The following SVIL variants were observed in gnomAD, a reference collection of about 807,000 sequenced individuals.
SVIL encodes archvillin.
In SVIL, 101 loss-of-function variants were observed where a neutral mutation model predicts 240.4. That is an observed-to-expected ratio of 0.42 (90% CI 0.36 to 0.50). SVIL has a LOEUF of 0.50. Ranked by LOEUF, SVIL falls within the 20% of genes least tolerant of loss-of-function variation. SVIL has a pLI of 0.01. For missense variants in SVIL, 2,512 were observed against 2,818.7 expected, an observed-to-expected ratio of 0.89 and a Z score of 2.46; for synonymous variants, 999 against 1,100.0, an observed-to-expected ratio of 0.91 and a Z score of 1.82.
chr10:29,557,205 C>T (rs1404678461), intron 3 of SVIL, among the ~76,000 whole-genome samples: 1 of 152,164 alleles, frequency 6.6e-6, no homozygotes, highest in Non-Finnish European at 1.5e-5. Context: ...AAGTGATCCT[C>T]CCAACTCAGC....
chr10:29,684,700 T>C (rs1960927067), intron 2 of SVIL, among the ~76,000 whole-genome samples: 1 of 152,182 alleles, frequency 6.6e-6, no homozygotes, highest in Non-Finnish European at 1.5e-5. Flanking sequence ...TCAGCCAATC[T>C]CTTCAGTATT....
chr10:29,682,719 AT>A (rs1960760371), intron 2 of SVIL, among the ~76,000 whole-genome samples: 1 of 152,200 alleles, frequency 6.6e-6, no homozygotes, highest in African/African-American at 2.4e-5. Flanking sequence ...TACAATTCAG[AT>A]ATGCTTTTCT....
At chr10:29,572,476 A>G (rs1955472381) in intron 1 of SVIL, among the ~76,000 whole-genome samples, 2 of 152,258 alleles carry the variant, frequency 1.3e-5, no homozygotes, top group South Asian at 4.1e-4. Flanking sequence ...CTGGAAATAA[A>G]GAGATGAACC....
At chr10:29,496,692 C>A (rs571321567) in intron 18 of SVIL, among the ~76,000 whole-genome samples, 11 of 152,356 alleles carry the variant, frequency 7.2e-5, no homozygotes, top group South Asian at 6.2e-4. Flanking sequence ...AAAGATCTCC[C>A]CCATAGCTCT....
intron 1 of SVIL, among the ~76,000 whole-genome samples, chr10:29,595,305 T>C (rs1956541161): frequency 6.6e-6 from 1 of 152,132 alleles, no homozygotes; most frequent in Admixed American, 6.5e-5. Context: ...GTTGGGCAGG[T>C]GGGCTTTGTT....
intron 2 of SVIL, chr10:29,670,946 T>A (rs1038236047): frequency 6.6e-6 from 1 of 152,218 alleles, no homozygotes; most frequent in Middle Eastern, 3.4e-3. Context: ...GTCCAACAAC[T>A]CCTCTATTTT....
intron 3 of SVIL, among the ~76,000 whole-genome samples, chr10:29,647,986 C>CA (rs1158890827): frequency 5.7e-4 from 49 of 85,966 alleles, no homozygotes; most frequent in Non-Finnish European, 9.8e-4. Context: ...AAAAAAAAAA[C>CA]AAAAAAAATC....
In SVIL at chr10:29,481,701, C is replaced by T. The variant is rs771732830; in HGVS notation, c.4983G>A (p.Ala1661=). 3.1e-6 allele frequency: 5 copies of T among 1,614,022 alleles called. No homozygotes were observed. Among genetic ancestry groups the T allele is most frequent in the East Asian group, 2.2e-5 (1 of 44,868 alleles). The change falls in exon 28 of 38, where the codon GCG becomes GCA. Residue 1661 remains alanine (A), a synonymous_variant. Transcript: ENST00000355867. ...PRKGQGRPDW[A]IFGRLTEHNE... is the part of the protein sequence containing the mutation. ...TGTGTTCAGTAAGTCTCCCAAATATCGCCCAGTCGGGCCGCCCCTGTCCTT... is the reference window on the plus strand; with the variant it reads ...TGTGTTCAGTAAGTCTCCCAAATATTGCCCAGTCGGGCCGCCCCTGTCCTT...
chr10:29,467,963 A>G, intron 32 of SVIL, 88 bp from the exon 33 acceptor site: 3 of 1,383,156 alleles, frequency 2.2e-6, no homozygotes, highest in Non-Finnish European at 3.0e-6. Context: ...TAACAGCTTT[A>G]TAATAGCTTT....
chr10:29,481,533 T>C, intron 28 of SVIL, 51 bp downstream of exon 28: 5 of 1,607,404 alleles, frequency 3.1e-6, no homozygotes, highest in Non-Finnish European at 2.5e-6. Context: ...AGGCCACTTT[T>C]ATTGGGACCC....
At chr10:29,561,870 T>G (rs1156545059) in intron 3 of SVIL, among the ~76,000 whole-genome samples, 3 of 152,234 alleles carry the variant, frequency 2.0e-5, no homozygotes, top group Admixed American at 2.0e-4. Flanking sequence ...AATAAACCTG[T>G]ATTCCGGCTG....
intron 2 of SVIL, among the ~76,000 whole-genome samples, chr10:29,661,570 C>A (rs1337113516): frequency 1.3e-5 from 2 of 152,166 alleles, no homozygotes; most frequent in Non-Finnish European, 2.9e-5. Flanking sequence ...CAAGGCATTT[C>A]TTTCCGGACA....
intron 1 of SVIL, among the ~76,000 whole-genome samples, chr10:29,696,401 G>C (rs1962001169): frequency 6.6e-6 from 1 of 151,730 alleles, no homozygotes; most frequent in Non-Finnish European, 1.5e-5. Flanking sequence ...GAGCGTCTCT[G>C]CCTGGCTGCC....
At chr10:29,543,495 A>G (rs369404006) in intron 6 of SVIL, among the ~76,000 whole-genome samples, 27 of 152,252 alleles carry the variant, frequency 1.8e-4, no homozygotes, top group African/African-American at 6.5e-4. Context: ...TTTCCCACGA[A>G]CTGCTGTTAA....
intron 30 of SVIL, 32 bp from the exon 31 acceptor site, chr10:29,471,275 G>A: frequency 1.3e-6 from 2 of 1,539,572 alleles, no homozygotes; most frequent in Non-Finnish European, 8.8e-7. Flanking sequence ...AATAGGTAAG[G>A]GGCGCGGGGC....
At chr10:29,549,690 C>G (rs1953049933) in intron 6 of SVIL, among the ~76,000 whole-genome samples, 1 of 139,258 alleles carries the variant, frequency 7.2e-6, no homozygotes, top group Non-Finnish European at 1.6e-5. Flanking sequence ...TACTATGCAG[C>G]CATAAAAAAG....
chr10:29,486,103 G>T lies in SVIL; in HGVS notation c.4761C>A (p.Ser1587=). 1.2e-6 allele frequency: 2 copies of T among 1,614,200 alleles called. No homozygotes were observed. The highest frequency in any genetic ancestry group is 8.5e-7 in the Non-Finnish European group (1 of 1,180,040). Residue 1587 remains serine (S), a synonymous_variant, in exon 26 of 38, where the codon TCC becomes TCA. Coordinates refer to ENST00000355867, the MANE Select transcript of SVIL (RefSeq NM_021738.3). ...ACTGTACCTCTTTGGGTTGCAGAAG[G>T]GAGCACTTCGGAATTTTCCCCCAGT... is the stretch of plus-strand genomic sequence containing the variant. ...DDYWGKIPKC[S]LLQPKEVLVF... is the part of the protein sequence containing the mutation.
chr10:29,717,233 A>AAT (rs1564356964), intron 1 of SVIL, among the ~76,000 whole-genome samples: 3 of 18,538 alleles, frequency 1.6e-4, no homozygotes, highest in Non-Finnish European at 2.9e-4. Context: ...ACTCTCTCTC[A>AAT]AAAAAAAAAA....
In SVIL at chr10:29,484,681, C is replaced by T. The variant is rs754301786; in HGVS notation, c.4930G>A (p.Gly1644Arg). The T allele has an allele frequency of 1.2e-6, 2 of 1,613,508 alleles. No homozygotes were observed. The highest frequency in any genetic ancestry group is 1.1e-5 in the South Asian group (1 of 90,932). The change falls in exon 27 of 38, where the codon GGA (glycine) becomes AGA (arginine). Residue 1644 changes from glycine to arginine, a missense_variant. Around this residue, in one of 3 missense-constraint regions of SVIL, gnomAD observed 797 missense variants for 925.3 expected, o/e 0.86. Coordinates refer to ENST00000355867, the MANE Select transcript of SVIL (RefSeq NM_021738.3). The surrounding 1 kb of genome is among the most constrained non-coding windows in gnomAD (Gnocchi z 4.7). ...CTGGGGATAAGCGGATTGCATTCTCCAGGATCCAGGGGATTGATGTCACAG... is the reference window on the plus strand; with the variant it reads ...CTGGGGATAAGCGGATTGCATTCTCTAGGATCCAGGGGATTGATGTCACAG... ...ENCDINPLDP[G>R]ECNPLIPRKG...
Sources: gnomAD v4.1 joint callset for allele counts (sites outside exome capture counted in the v4.1 genomes callset) on GRCh38, gnomAD v4.1.1 for gene constraint, gnomAD v4.1.1 regional missense constraint, Gnocchi (gnomAD v3.1) non-coding constraint, MANE v1.5 for transcripts, NCBI Gene and HGNC (gene_info 2026-07-23, HGNC 2026-07-21) for gene names.